The following LIPT1 variants were observed in gnomAD, a reference collection of about 807,000 sequenced individuals.
The protein encoded by LIPT1 is lipoyl amidotransferase LIPT1, mitochondrial.
Under a neutral mutation model 25.1 loss-of-function variants are expected in LIPT1, and 22 were observed. The ratio of observed to expected loss-of-function variants is 0.88; its 90% CI spans 0.63 to 1.25. The LOEUF (loss-of-function observed/expected upper bound fraction) is 1.25. LIPT1 is among the 50% of genes most tolerant of loss of function. LIPT1 has a pLI of 0.00. For missense variants in LIPT1, 399 were observed against 432.8 expected, an observed-to-expected ratio of 0.92 and a Z score of 0.69; for synonymous variants, 131 against 150.8, an observed-to-expected ratio of 0.87 and a Z score of 0.96.
rs140517012 is a variant in LIPT1 at position 99,161,677 on chromosome 2, GA to G, written c.-1-270del. On this transcript the variant is annotated intron_variant, in intron 1 of 1. Transcript: ENST00000651691. ...ACATGGTGAAATCCTGTCTGTAAGAGAAAAAAAAAAGATATATTACATAATG... is the reference window on the plus strand; with the variant it reads ...ACATGGTGAAATCCTGTCTGTAAGAGAAAAAAAAAGATATATTACATAATG... 13,438 of 240,628 alleles carry G rather than the reference GA, an allele frequency of 0.056. 783 individuals carry two copies. The highest frequency in any genetic ancestry group is 0.21 in the East Asian group (2,435 of 11,362). The allele number at this position is 240,628 out of a possible 1,614,324, so 14.9% of individuals were successfully genotyped here.
intron 1 of LIPT1, among the ~76,000 whole-genome samples, chr2:99,157,635 A>G (rs1310544492): frequency 2.6e-5 from 4 of 152,150 alleles, no homozygotes; most frequent in Admixed American, 1.3e-4. Context: ...GGCACTGTTG[A>G]CCATCTTGTC....
chr2:99,160,521 A>C (rs956473946), intron 1 of LIPT1, among the ~76,000 whole-genome samples: 7 of 152,244 alleles, frequency 4.6e-5, no homozygotes, highest in Non-Finnish European at 8.8e-5. Context: ...TATTCTAAGA[A>C]ATAGAATTGG....
chr2:99,158,148 A>G (rs1314181248), intron 1 of LIPT1, among the ~76,000 whole-genome samples: 1 of 152,192 alleles, frequency 6.6e-6, no homozygotes, highest in Admixed American at 6.5e-5. Context: ...TCAACTGATA[A>G]AGGATAGAGT....
Position 99,163,036 on chromosome 2 carries a change from G to A in LIPT1, c.1079G>A (p.Ser360Asn), listed in dbSNP as rs2093809625. 1.9e-6 allele frequency: 3 copies of A among 1,587,642 alleles called. No individual in the cohort carries two copies. Among genetic ancestry groups the A allele is most frequent in the East Asian group, 4.5e-5 (2 of 44,588 alleles). Residue 360 changes from serine to asparagine, a missense_variant, in exon 2 of 2, where the codon AGT becomes AAT. Physicochemically the swap from Ser to Asn is conservative, Grantham distance 46. Transcript: ENST00000651691. ...TGTCCACAAGACCACAAACTAAACAGTAAATGGAATATTCTCTGTGAAAAA... is the reference window on the plus strand; with the variant it reads ...TGTCCACAAGACCACAAACTAAACAATAAATGGAATATTCTCTGTGAAAAA... ...RTCPQDHKLNSKWNILCEKIK... is the reference protein window; with the variant it reads ...RTCPQDHKLNNKWNILCEKIK...
rs757567822 is a variant in LIPT1, at chr2:99,162,765, G to A, written c.808G>A (p.Glu270Lys). The A allele has an allele frequency of 3.1e-6, 5 of 1,614,122 alleles. No individual in the cohort carries two copies. The Admixed American group carries it at 8.3e-5, about 27-fold the overall frequency. ...CAAAGCCAAAGAACTGCAAACTTGG[G>A]AGTGGATATATGGCAAAACTCCAAA... Reference protein sequence around the residue: ...NSKAKELQTWEWIYGKTPKFS... With the variant: ...NSKAKELQTWKWIYGKTPKFS... The change falls in exon 2 of 2, where the codon GAG becomes AAG. Residue 270 changes from glutamate to lysine, a missense_variant. By Grantham distance (56) the Glu-to-Lys change is moderately conservative (BLOSUM62 1). Transcript: ENST00000651691.
At chr2:99,157,140 A>T (rs2105185857) in intron 1 of LIPT1, among the ~76,000 whole-genome samples, 1 of 152,358 alleles carries the variant, frequency 6.6e-6, no homozygotes, top group South Asian at 2.1e-4. Context: ...TTAAGTCCTT[A>T]ACTACTTTGC....
At chr2:99,155,221 G>A (rs1005792923) in intron 1 of LIPT1, 170 bp downstream of exon 1, 12 of 372,666 alleles carry the variant, frequency 3.2e-5, no homozygotes, top group African/African-American at 2.5e-4. Flanking sequence ...CACTTGGGAC[G>A]ACCTAATTTC....
Position 99,163,038 on chromosome 2 carries a change from A to C in LIPT1, c.1081A>C (p.Lys361Gln). ...TCPQDHKLNS[K>Q]WNILCEKIKG... ...TCCACAAGACCACAAACTAAACAGT[A>C]AATGGAATATTCTCTGTGAAAAAAT... Residue 361 changes from lysine to glutamine, a missense_variant, in exon 2 of 2, where the codon AAA (lysine) becomes CAA (glutamine). By Grantham distance (53) the Lys-to-Gln change is moderately conservative. Coordinates refer to ENST00000651691, the MANE Select transcript of LIPT1 (RefSeq NM_145199.3). 1 of 1,588,186 alleles carries C rather than the reference A, an allele frequency of 6.3e-7. No homozygotes were observed. The highest frequency in any genetic ancestry group is 1.1e-5 in the South Asian group (1 of 87,064).
chr2:99,160,830 TAATG>T (rs1393797326), intron 1 of LIPT1, among the ~76,000 whole-genome samples: 22 of 152,244 alleles, frequency 1.4e-4, no homozygotes, highest in African/African-American at 4.8e-4. Context: ...TATAAAGACA[TAATG>T]AAAGCTTTCC....
At chr2:99,160,282 C>T (rs2093778340) in intron 1 of LIPT1, among the ~76,000 whole-genome samples, 1 of 152,170 alleles carries the variant, frequency 6.6e-6, no homozygotes, top group Non-Finnish European at 1.5e-5. Context: ...GTGGCGCATA[C>T]CTGTAGTCCC....
chr2:99,155,273 A>G (rs537989908), intron 1 of LIPT1: 1 of 366,228 alleles, frequency 2.7e-6, no homozygotes, highest in South Asian at 2.0e-5. Flanking sequence ...AGGGAGGGTA[A>G]ATATCGTAAA....
chr2:99,155,185 C>T (rs773587224), intron 1 of LIPT1, 134 bp downstream of exon 1: 1 of 405,932 alleles, frequency 2.5e-6, no homozygotes, highest in Non-Finnish European at 4.9e-6. Flanking sequence ...GTGTTGAAGC[C>T]TCTTGTGTGC....
At position 99,162,171 on chromosome 2, in the gene LIPT1, G is replaced by T. The variant is rs1325044931; in HGVS notation, c.214G>T (p.Val72Phe). The change falls in exon 2 of 2, where the codon GTT (valine) becomes TTT (phenylalanine). Residue 72 changes from valine (V) to phenylalanine (F), a missense_variant. Transcript: ENST00000651691. ...ILFFWQNSPS[V>F]VIGRHQNPWQ... Reference sequence around the variant, plus strand: ...ATTCTTTTGGCAGAATTCTCCCTCTGTTGTAATTGGTAGGCATCAAAATCC... The same window carrying T: ...ATTCTTTTGGCAGAATTCTCCCTCTTTTGTAATTGGTAGGCATCAAAATCC... The T allele has an allele frequency of 6.2e-7, 1 of 1,614,020 alleles. No homozygotes were observed. Among genetic ancestry groups the T allele is most frequent in the Admixed American group, 1.7e-5 (1 of 60,010 alleles).
chr2:99,158,983 T>C (rs1427225318), intron 1 of LIPT1, among the ~76,000 whole-genome samples: 1 of 152,088 alleles, frequency 6.6e-6, no homozygotes, highest in Non-Finnish European at 1.5e-5. Flanking sequence ...GGCTGGAGTG[T>C]AGTGGCACGA....
rs779240676 is a variant in LIPT1, at chr2:99,162,798, A to G, written c.841A>G (p.Ile281Val). The G allele has an allele frequency of 4.3e-6, 7 of 1,614,204 alleles. No individual in the cohort carries two copies. Among genetic ancestry groups the G allele is most frequent in the South Asian group, 1.1e-5 (1 of 91,084 alleles). ...ATATGGCAAAACTCCAAAGTTTAGT[A>G]TAAATACTTCCTTTCATGTGTTATA... ...WIYGKTPKFS[I>V]NTSFHVLYEQ... is the part of the protein sequence containing the mutation. Residue 281 changes from isoleucine (I) to valine (V), a missense_variant, in exon 2 of 2, where the codon ATA (isoleucine) becomes GTA (valine). Coordinates refer to ENST00000651691, the MANE Select transcript of LIPT1 (RefSeq NM_145199.3).
chr2:99,162,146 A>T lies in LIPT1; in HGVS notation c.189A>T (p.Leu63=). 8 of 1,614,086 alleles carry T rather than the reference A, an allele frequency of 5.0e-6. No individual in the cohort carries two copies. Among genetic ancestry groups the T allele is most frequent in the Non-Finnish European group, 6.8e-6 (8 of 1,179,958 alleles). ...TGAATCTAGAAGGCAAACCAATTCTATTCTTTTGGCAGAATTCTCCCTCTG... is the reference window on the plus strand; with the variant it reads ...TGAATCTAGAAGGCAAACCAATTCTTTTCTTTTGGCAGAATTCTCCCTCTG... ...DHMNLEGKPI[L]FFWQNSPSVV... Residue 63 remains leucine (L), a synonymous_variant, in exon 2 of 2, where the codon CTA becomes CTT. Transcript: ENST00000651691.
intron 1 of LIPT1, among the ~76,000 whole-genome samples, chr2:99,160,147 C>T (rs1252730631): frequency 2.0e-5 from 3 of 152,174 alleles, no homozygotes; most frequent in Non-Finnish European, 4.4e-5. Flanking sequence ...TGGCCCATGC[C>T]TATAATCCCA....
chr2:99,158,560 T>C (rs1382409984), intron 1 of LIPT1, among the ~76,000 whole-genome samples: 4 of 151,686 alleles, frequency 2.6e-5, no homozygotes, highest in Admixed American at 1.3e-4. Flanking sequence ...TCCTGGGCAA[T>C]AAAGTTCAAG....
intron 1 of LIPT1, among the ~76,000 whole-genome samples, chr2:99,158,256 A>G (rs908227789): frequency 2.0e-5 from 3 of 151,964 alleles, no homozygotes; most frequent in Non-Finnish European, 4.4e-5. Context: ...AATTCAACCT[A>G]TTGCCAAGTA....
Sources: gnomAD v4.1 joint callset for allele counts (sites outside exome capture counted in the v4.1 genomes callset) on GRCh38, gnomAD v4.1.1 for gene constraint, MANE v1.5 for transcripts, NCBI Gene and HGNC (gene_info 2026-07-23, HGNC 2026-07-21) for gene names.